Variants in KCNC4 observed in about 807,000 individuals in gnomAD.
KCNC4 encodes the protein potassium voltage-gated channel subfamily C member 4.
Under a neutral mutation model 42.8 loss-of-function variants are expected in KCNC4, and 23 were observed. The observed-to-expected ratio is 0.54, with a 90% confidence interval of 0.39 to 0.76. The LOEUF (loss-of-function observed/expected upper bound fraction) is 0.76, where lower values mean the gene tolerates loss of function less well. Ranked by LOEUF, KCNC4 falls within the 30% of genes least tolerant of loss-of-function variation. KCNC4 has a pLI of 0.00. For synonymous variants in KCNC4, 422 were observed against 393.5 expected (o/e 1.07, Z -0.86); for missense variants, 751 against 898.2 (o/e 0.84, Z 2.10).
At chr1:110,263,482 T>A (rs1404255642) in intron 1 of KCNC4, among the ~76,000 whole-genome samples, 1 of 152,134 alleles carries the variant, frequency 6.6e-6, no homozygotes, top group Non-Finnish European at 1.5e-5. Flanking sequence ...GATATTCACT[T>A]TGGCATCCTT....
intron 1 of KCNC4, chr1:110,222,585 C>T (rs908705072): frequency 9.2e-6 from 2 of 218,344 alleles, no homozygotes; most frequent in East Asian, 2.0e-4. Flanking sequence ...ATCACAGGAC[C>T]TGCCCCAAGC....
chr1:110,226,128 T>C lies in KCNC4; in HGVS notation c.1769T>C (p.Phe590Ser). The stretch of plus-strand genomic sequence containing the variant: ...AGAAACAAGAAGGCAGCTGCCTGCT[T>C]CCTGCTCAGCACTGGGGACTATGCC... The part of the protein sequence containing the change: ...RDRNKKAAAC[F>S]LLSTGDYACA... The change falls in exon 3 of 4, where the codon TTC becomes TCC. Residue 590 changes from phenylalanine (F) to serine (S), a missense_variant. Around this residue, in one of 4 missense-constraint regions of KCNC4, gnomAD observed 202 missense variants for 181.5 expected, o/e 1.11. Transcript: ENST00000438661. 1 of 1,614,076 alleles carries C rather than the reference T, an allele frequency of 6.2e-7. No homozygotes were observed.
chr1:110,278,186 G>A (rs1659756641), intron 1 of KCNC4, among the ~76,000 whole-genome samples: 1 of 139,080 alleles, frequency 7.2e-6, no homozygotes, highest in Non-Finnish European at 1.6e-5. Context: ...GAGGGAGGGA[G>A]GGACGGAAGG....
intron 1 of KCNC4, among the ~76,000 whole-genome samples, chr1:110,255,118 C>G (rs1659307850): frequency 6.6e-6 from 1 of 152,218 alleles, no homozygotes; most frequent in Non-Finnish European, 1.5e-5. Flanking sequence ...AACATACACT[C>G]TCTTTTATTC....
downstream of KCNC4, among the ~76,000 whole-genome samples, chr1:110,251,353 T>G (rs370113844): frequency 4.7e-4 from 71 of 152,324 alleles, 1 homozygote; most frequent in South Asian, 0.014. Flanking sequence ...CATGCTGTTC[T>G]CACAATAGTG....
chr1:110,279,321 T>C (rs557801671), intron 1 of KCNC4, among the ~76,000 whole-genome samples: 3 of 152,226 alleles, frequency 2.0e-5, no homozygotes, highest in African/African-American at 7.2e-5. Context: ...CAAGTGAAGA[T>C]AATAAGGGTT....
At chr1:110,266,520 G>A (rs1347800952) in intron 1 of KCNC4, among the ~76,000 whole-genome samples, 2 of 152,142 alleles carry the variant, frequency 1.3e-5, no homozygotes, top group Admixed American at 6.5e-5. Context: ...CACTTTACAT[G>A]GGATAACTCC....
chr1:110,231,829 T>A (rs1442981140), intron 3 of KCNC4, among the ~76,000 whole-genome samples: 1 of 140,974 alleles, frequency 7.1e-6, no homozygotes, highest in Non-Finnish European at 1.5e-5. Context: ...GCATACAGTC[T>A]TAAGAAGATG....
At position 110,233,499 on chromosome 1, in the gene KCNC4, C is replaced by G. The variant is rs1236096830; in HGVS notation, c.*527C>G. 6.3e-6 allele frequency: 1 copy of G among 158,864 alleles called. No individual in the cohort carries two copies. Among genetic ancestry groups the G allele is most frequent in the African/African-American group, 2.4e-5 (1 of 41,480 alleles). The allele number at this position is 158,864 out of a possible 1,614,324, so 9.8% of individuals were successfully genotyped here. On this transcript the variant is annotated 3_prime_UTR_variant, in exon 4 of 4. Coordinates refer to ENST00000438661, the MANE Select transcript of KCNC4 (RefSeq NM_001039574.3). ...TAGGGTCACTGCTTCACTAGCCGCACCCCACCCCAGATTGGGGTTCTACCT... is the reference window on the plus strand; with the variant it reads ...TAGGGTCACTGCTTCACTAGCCGCAGCCCACCCCAGATTGGGGTTCTACCT...
chr1:110,249,533 A>G (rs1659215906), downstream of KCNC4, among the ~76,000 whole-genome samples: 4 of 152,166 alleles, frequency 2.6e-5, no homozygotes, highest in South Asian at 8.3e-4. Context: ...AATGAGTCTG[A>G]TATATAGACT....
At chr1:110,213,199 C>T (rs996718642) in intron 1 of KCNC4, among the ~76,000 whole-genome samples, 1 of 66,660 alleles carries the variant, frequency 1.5e-5, no homozygotes, top group Non-Finnish European at 3.2e-5. Context: ...AAAAAAAAAT[C>T]CCTGAAGGAT....
intron 1 of KCNC4, among the ~76,000 whole-genome samples, chr1:110,263,264 T>A (rs1367461327): frequency 1.3e-5 from 2 of 152,108 alleles, no homozygotes; most frequent in African/African-American, 2.4e-5. Context: ...ATAACAGCTG[T>A]TCTGGGCCAA....
chr1:110,243,970 G>A (rs1659087649), exon 4 of KCNC4: 2 of 152,190 alleles, frequency 1.3e-5, no homozygotes, highest in African/African-American at 4.8e-5. Flanking sequence ...TCTTTTTCCG[G>A]GATGTTTTCT....
Position 110,233,189 on chromosome 1 carries a change from T to C in KCNC4, c.*217T>C, listed in dbSNP as rs561678629. 1 of 611,524 alleles carries C rather than the reference T, an allele frequency of 1.6e-6. No individual in the cohort carries two copies. The highest frequency in any genetic ancestry group is 2.7e-5 in the East Asian group (1 of 36,560). 37.9% of individuals were successfully genotyped at this position (611,524 alleles called of 1,614,324 possible). On this transcript the variant is annotated 3_prime_UTR_variant, in exon 4 of 4. Transcript: ENST00000438661. ...CATCGAAGAGATATATATGCACATATAGTATCTATATTCATACATATTATA... is the reference window on the plus strand; with the variant it reads ...CATCGAAGAGATATATATGCACATACAGTATCTATATTCATACATATTATA...
chr1:110,249,121 T>G (rs1659205952), exon 4 of KCNC4: 1 of 150,196 alleles, frequency 6.7e-6, no homozygotes, highest in Admixed American at 6.6e-5. Flanking sequence ...TGTCCCTTCC[T>G]GCCCCATGGC....
chr1:110,282,985 G>A (rs1659854637), intron 2 of KCNC4: 1 of 152,218 alleles, frequency 6.6e-6, no homozygotes, highest in African/African-American at 2.4e-5. Context: ...GGTATATTTA[G>A]CTCATGGTTC....
intron 1 of KCNC4, 114 bp downstream of exon 1, chr1:110,212,291 G>A (rs1657519720): frequency 8.7e-7 from 1 of 1,145,748 alleles, no homozygotes; most frequent in African/African-American, 1.6e-5. Context: ...TACCACCGCA[G>A]ATTGTTCCCG....
chr1:110,215,246 T>G (rs1657724636), intron 1 of KCNC4, among the ~76,000 whole-genome samples: 2 of 152,232 alleles, frequency 1.3e-5, no homozygotes, highest in Non-Finnish European at 2.9e-5. Context: ...GCTCCTGGAC[T>G]GGGATGCTCA....
At chr1:110,248,727 T>C (rs1459389566) in exon 4 of KCNC4, 2 of 152,260 alleles carry the variant, frequency 1.3e-5, no homozygotes, top group Admixed American at 6.5e-5. Flanking sequence ...AATTATACTT[T>C]GACATATCTC....
Sources: allele counts gnomAD v4.1 joint callset (sites outside exome capture counted in the v4.1 genomes callset), GRCh38; gene constraint gnomAD v4.1.1; regional missense constraint gnomAD v4.1.1; transcripts MANE v1.5; gene names NCBI Gene and HGNC (gene_info 2026-07-23, HGNC 2026-07-21).